The following COP1 variants were observed in gnomAD, a reference collection of about 807,000 sequenced individuals.
COP1 encodes the protein E3 ubiquitin-protein ligase COP1.
A neutral mutation model predicts 101.3 loss-of-function variants in COP1; 24 were observed. The observed-to-expected ratio is 0.24, with a 90% CI of 0.17 to 0.33. The LOEUF (loss-of-function observed/expected upper bound fraction) is 0.33. COP1 is among the 10% of genes least tolerant of loss of function. The probability of loss-of-function intolerance (pLI) is 1.00; values close to 1 mark genes in which losing one functional copy is unlikely to be tolerated. For synonymous variants in COP1, 347 were observed against 341.9 expected (o/e 1.01, Z -0.17); for missense variants, 663 against 906.2 (o/e 0.73, Z 3.45).
At chr1:176,152,072 C>T (rs946543963) in intron 5 of COP1, among the ~76,000 whole-genome samples, 4 of 151,734 alleles carry the variant, frequency 2.6e-5, no homozygotes, top group East Asian at 2.0e-4. Flanking sequence ...AGGCAGATTG[C>T]GTGAGCTCTG....
intron 18 of COP1, chr1:175,982,455 A>G: frequency 2.2e-6 from 1 of 455,180 alleles, no homozygotes; most frequent in East Asian, 7.0e-5. Flanking sequence ...CTCCATGTGA[A>G]GATGAGGATG....
chr1:176,062,344 T>C (rs893959054), intron 11 of COP1, among the ~76,000 whole-genome samples: 1 of 152,054 alleles, frequency 6.6e-6, no homozygotes, highest in African/African-American at 2.4e-5. Context: ...AAGATTTGAA[T>C]AGACAATTCA....
chr1:176,012,303 T>A (rs1471078680), intron 15 of COP1, among the ~76,000 whole-genome samples: 2 of 152,142 alleles, frequency 1.3e-5, no homozygotes, highest in Non-Finnish European at 2.9e-5. Flanking sequence ...TCCACTAAGT[T>A]TTTGTGGAGC....
intron 15 of COP1, among the ~76,000 whole-genome samples, chr1:176,026,051 T>C (rs1046600032): frequency 1.3e-4 from 20 of 152,090 alleles, no homozygotes; most frequent in African/African-American, 4.3e-4. Flanking sequence ...TGGAAAACTA[T>C]AAATCTTAAA....
At position 176,116,633 on chromosome 1, in the gene COP1, G is replaced by A; in HGVS notation, c.1017C>T (p.Gly339=). ...CAAAGATATCGTTTACCTGAGAACT[G>A]CCACTGAAACCTGGAGGTTGGCTGT... ...TEYSQPPGFS[G]SSQTKKQPWY... is the part of the protein sequence containing the mutation. Residue 339 remains glycine, a synonymous_variant, in exon 9 of 20, where the codon GGC becomes GGT. Coordinates refer to ENST00000367669, the MANE Select transcript of COP1 (RefSeq NM_022457.7). The A allele has an allele frequency of 6.2e-7, 1 of 1,609,788 alleles. No individual in the cohort carries two copies. Among genetic ancestry groups the A allele is most frequent in the Non-Finnish European group, 8.5e-7 (1 of 1,176,628 alleles).
chr1:176,123,997 G>C (rs1027161733), intron 8 of COP1, among the ~76,000 whole-genome samples: 5 of 152,024 alleles, frequency 3.3e-5, no homozygotes, highest in African/African-American at 4.8e-5. Context: ...TTTCAAATAC[G>C]AGTCTTGGTT....
At chr1:176,198,756 C>A (rs1019115083) in intron 1 of COP1, among the ~76,000 whole-genome samples, 1 of 151,946 alleles carries the variant, frequency 6.6e-6, no homozygotes, top group Non-Finnish European at 1.5e-5. Flanking sequence ...AGAACACTTA[C>A]AACGCAAGAT....
chr1:176,160,764 C>G (rs1694205192), intron 5 of COP1, among the ~76,000 whole-genome samples: 1 of 152,098 alleles, frequency 6.6e-6, no homozygotes, highest in Admixed American at 6.5e-5. Flanking sequence ...ATTAAAAAGC[C>G]AAGAAACAAC....
intron 10 of COP1, 126 bp downstream of exon 10, chr1:176,085,649 TG>T (rs1480066406): frequency 4.8e-5 from 23 of 480,316 alleles, no homozygotes; most frequent in Non-Finnish European, 7.7e-6. Flanking sequence ...CATGATGATC[TG>T]GTAGACTATG....
intron 9 of COP1, among the ~76,000 whole-genome samples, chr1:176,090,506 C>T (rs1484554111): frequency 1.3e-5 from 2 of 152,040 alleles, no homozygotes; most frequent in Non-Finnish European, 2.9e-5. Context: ...AAAGACTTAA[C>T]AGACAAACAG....
intron 2 of COP1, among the ~76,000 whole-genome samples, chr1:176,179,031 C>A (rs914611659): frequency 6.6e-6 from 1 of 151,188 alleles, no homozygotes; most frequent in Non-Finnish European, 1.5e-5. Context: ...CGGCTCACGC[C>A]GTAATCCCAG....
chr1:176,051,060 A>C (rs1032332269), intron 11 of COP1, among the ~76,000 whole-genome samples: 1 of 151,992 alleles, frequency 6.6e-6, no homozygotes, highest in Non-Finnish European at 1.5e-5. Flanking sequence ...ACAAAGGGAT[A>C]AAAAAAAGAA....
At chr1:175,978,720 A>C (rs941621218) in intron 18 of COP1, among the ~76,000 whole-genome samples, 3 of 152,146 alleles carry the variant, frequency 2.0e-5, no homozygotes, top group Non-Finnish European at 2.9e-5. Context: ...AAAGTGTTAT[A>C]AACAATCCAG....
At chr1:176,060,096 A>T (rs1248073412) in intron 11 of COP1, among the ~76,000 whole-genome samples, 1 of 152,138 alleles carries the variant, frequency 6.6e-6, no homozygotes, top group Admixed American at 6.5e-5. Flanking sequence ...GCATATTTTT[A>T]TTCTATTATT....
intron 9 of COP1, among the ~76,000 whole-genome samples, chr1:176,108,267 T>G (rs1684675389): frequency 6.6e-6 from 1 of 152,178 alleles, no homozygotes; most frequent in African/African-American, 2.4e-5. Context: ...TGTTAGCATT[T>G]TTTTCAATTC....
chr1:176,179,522 C>T (rs1290711462), intron 2 of COP1, among the ~76,000 whole-genome samples: 1 of 151,978 alleles, frequency 6.6e-6, no homozygotes, highest in Non-Finnish European at 1.5e-5. Flanking sequence ...ATTGCCTGAG[C>T]CCAGGAGTTT....
At chr1:175,993,860 C>A (rs565430908) in intron 15 of COP1, among the ~76,000 whole-genome samples, 2 of 152,152 alleles carry the variant, frequency 1.3e-5, no homozygotes, top group African/African-American at 4.8e-5. Context: ...TCTAGCAAGG[C>A]AGGCCAACTT....
chr1:175,982,978 T>C (rs867425917), intron 18 of COP1, among the ~76,000 whole-genome samples: 1 of 152,126 alleles, frequency 6.6e-6, no homozygotes, highest in African/African-American at 2.4e-5. Flanking sequence ...AGAGTGACTG[T>C]AGTTAATAAT....
At chr1:176,116,438 T>C (rs753123266) in intron 9 of COP1, among the ~76,000 whole-genome samples, 186 bp downstream of exon 9, 10 of 152,238 alleles carry the variant, frequency 6.6e-5, no homozygotes, top group African/African-American at 1.9e-4. Flanking sequence ...GTTCTTATCA[T>C]TGAAAAAGCA....
Sources: gnomAD v4.1 joint callset for allele counts (sites outside exome capture counted in the v4.1 genomes callset) on GRCh38, gnomAD v4.1.1 for gene constraint, MANE v1.5 for transcripts, NCBI Gene and HGNC (gene_info 2026-07-23, HGNC 2026-07-21) for gene names.